The following MITF variants were observed in gnomAD, a reference collection of about 807,000 sequenced individuals.
MITF encodes the protein melanocyte inducing transcription factor.
MITF carries 17 observed loss-of-function variants against 60.5 expected under a neutral mutation model. The ratio of observed to expected loss-of-function variants is 0.28; its 90% confidence interval spans 0.19 to 0.42. The LOEUF (loss-of-function observed/expected upper bound fraction) is 0.42. Ranked by LOEUF, MITF falls within the 10% of genes least tolerant of loss-of-function variation. The pLI is 1.00. For missense variants in MITF, 622 were observed against 683.5 expected (o/e 0.91, Z 1.00); for synonymous variants, 260 against 248.5 (o/e 1.05, Z -0.43).
intron 1 of MITF, among the ~76,000 whole-genome samples, chr3:69,750,757 T>C (rs1703907777): frequency 6.6e-6 from 1 of 152,114 alleles, no homozygotes; most frequent in Admixed American, 6.6e-5. Context: ...GAATCACACT[T>C]TGAAAAAATC....
At chr3:69,750,510 G>A (rs1703897899) in intron 1 of MITF, among the ~76,000 whole-genome samples, 1 of 142,472 alleles carries the variant, frequency 7.0e-6, no homozygotes, top group Admixed American at 7.4e-5. Context: ...TTCTGATCTG[G>A]TGAATTTTTC....
Position 69,881,595 on chromosome 3 carries a change from T to C in MITF, c.354+2212T>C, listed in dbSNP as rs191115891. ...GTTGGCTTATTTTCAAAATTTTGTG[T>C]ATAAAAGTATTATGAAACATTATAG... On this transcript the variant is annotated intron_variant, in intron 2 of 9. Transcript: ENST00000352241. Among the ~76,000 whole-genome samples the C allele has an allele frequency of 4.5e-4, 68 of 152,102 alleles. No homozygotes were observed. In the East Asian group the frequency reaches 0.013, roughly 28 times the overall value.
At chr3:69,825,718 T>C (rs2063343575) in intron 1 of MITF, among the ~76,000 whole-genome samples, 1 of 152,034 alleles carries the variant, frequency 6.6e-6, no homozygotes, top group Non-Finnish European at 1.5e-5. Flanking sequence ...CAGAATAAGG[T>C]GCCTTGAGGA....
chr3:69,899,970 C>T (rs1365199829), intron 2 of MITF, among the ~76,000 whole-genome samples: 1 of 152,116 alleles, frequency 6.6e-6, no homozygotes, highest in Non-Finnish European at 1.5e-5. Context: ...CATTTTGACC[C>T]CTCTCCACTT....
rs530811110 is a variant in MITF at position 69,817,292 on chromosome 3, G to A, written c.105-61842G>A. Among the ~76,000 whole-genome samples the A allele has an allele frequency of 2.6e-5, 4 of 152,174 alleles. No individual in the cohort carries two copies. The East Asian group carries it at 5.8e-4, about 22-fold the overall frequency. On this transcript the variant is annotated intron_variant, in intron 1 of 9. Coordinates refer to ENST00000352241, the MANE Select transcript of MITF (RefSeq NM_001354604.2). ...ACCTGTCTCACCCCCTCAAAAGCAGGCCTTTTTCCAGAGTCAGTCTGTGCT... is the reference window on the plus strand; with the variant it reads ...ACCTGTCTCACCCCCTCAAAAGCAGACCTTTTTCCAGAGTCAGTCTGTGCT...
intron 4 of MITF, among the ~76,000 whole-genome samples, 186 bp from the exon 5 acceptor site, chr3:69,941,050 G>A (rs898625021): frequency 2.0e-5 from 3 of 152,066 alleles, no homozygotes; most frequent in Admixed American, 6.5e-5. Flanking sequence ...TCACCTATTC[G>A]TGTTAATGGT....
At chr3:69,857,352 G>GCCC (rs112664266) in intron 1 of MITF, among the ~76,000 whole-genome samples, 2 of 150,984 alleles carry the variant, frequency 1.3e-5, no homozygotes, top group African/African-American at 4.9e-5. Flanking sequence ...CTCAATCCCT[G>GCCC]CCCCCCCCAG....
intron 1 of MITF, among the ~76,000 whole-genome samples, chr3:69,812,380 C>T (rs2063114945): frequency 1.3e-5 from 2 of 152,100 alleles, no homozygotes; most frequent in Admixed American, 1.3e-4. Flanking sequence ...CGTATCCCCT[C>T]AGACATTTAG....
At chr3:69,933,963 T>C (rs541812167) in intron 2 of MITF, among the ~76,000 whole-genome samples, 26 of 152,292 alleles carry the variant, frequency 1.7e-4, no homozygotes, top group Non-Finnish European at 3.1e-4. Context: ...CAAAGGGCTA[T>C]AGAGCCTCAT....
chr3:69,953,621 A>G (rs1199758600), intron 7 of MITF, among the ~76,000 whole-genome samples: 1 of 125,344 alleles, frequency 8.0e-6, no homozygotes, highest in Non-Finnish European at 1.6e-5. Context: ...GTATATATAT[A>G]TATGTGTGTA....
intron 2 of MITF, among the ~76,000 whole-genome samples, chr3:69,897,267 C>T (rs1329464107): frequency 1.3e-5 from 2 of 151,958 alleles, no homozygotes; most frequent in Middle Eastern, 3.4e-3. Flanking sequence ...GGTGGGGAGG[C>T]GATCAAAATG....
chr3:69,744,481 T>C (rs1703647176), intron 1 of MITF, among the ~76,000 whole-genome samples: 1 of 152,172 alleles, frequency 6.6e-6, no homozygotes, highest in African/African-American at 2.4e-5. Flanking sequence ...AGTTTCCTCA[T>C]CTGGCAAATA....
At chr3:69,904,997 T>C (rs1044071953) in intron 2 of MITF, among the ~76,000 whole-genome samples, 2 of 152,294 alleles carry the variant, frequency 1.3e-5, no homozygotes, top group East Asian at 3.9e-4. Context: ...TAGCATATAA[T>C]AAAGTACACT....
chr3:69,920,908 C>T (rs1296537945), intron 2 of MITF, among the ~76,000 whole-genome samples: 1 of 152,178 alleles, frequency 6.6e-6, no homozygotes, highest in Admixed American at 6.5e-5. Flanking sequence ...CACTCTGTTG[C>T]CCAGGCTGGA....
chr3:69,861,361 A>G (rs1015076941), intron 1 of MITF, among the ~76,000 whole-genome samples: 3 of 152,220 alleles, frequency 2.0e-5, no homozygotes, highest in Admixed American at 6.5e-5. Flanking sequence ...TGCCCTTAAG[A>G]ACACAGGACA....
chr3:69,936,781 A>G, intron 2 of MITF: 1 of 1,602,774 alleles, frequency 6.2e-7, no homozygotes, highest in Non-Finnish European at 8.5e-7. Flanking sequence ...ACTCATATTC[A>G]GTCTTTGAAA....
At chr3:69,869,966 T>C (rs2064192403) in intron 1 of MITF, among the ~76,000 whole-genome samples, 1 of 151,852 alleles carries the variant, frequency 6.6e-6, no homozygotes, top group Admixed American at 6.6e-5. Flanking sequence ...TGAAATGGAG[T>C]CTTACGTAGA....
At chr3:69,839,380 C>CT (rs5849927) in intron 1 of MITF, among the ~76,000 whole-genome samples, 48,445 of 139,160 alleles carry the variant, frequency 0.35, 8,636 homozygotes, top group Non-Finnish European at 0.43. Flanking sequence ...ATGTGATTTT[C>CT]TTTTTTTTTT....
chr3:69,774,196 G>A (rs1312539172), intron 1 of MITF, among the ~76,000 whole-genome samples: 1 of 152,198 alleles, frequency 6.6e-6, no homozygotes, highest in Non-Finnish European at 1.5e-5. Context: ...GCTAGGAGGT[G>A]CCAGAGGCCT....
Sources: allele counts gnomAD v4.1 joint callset (sites outside exome capture counted in the v4.1 genomes callset), GRCh38; gene constraint gnomAD v4.1.1; transcripts MANE v1.5; gene names NCBI Gene and HGNC (gene_info 2026-07-23, HGNC 2026-07-21).